The following SNX30 variants were observed in gnomAD, a reference collection of about 807,000 sequenced individuals.
SNX30 encodes sorting nexin family member 30.
SNX30 carries 24 observed loss-of-function variants against 46.4 expected under a neutral mutation model. That is an observed-to-expected ratio of 0.52 (90% CI 0.37 to 0.73). The LOEUF (loss-of-function observed/expected upper bound fraction) is 0.73. SNX30 is among the 30% of genes least tolerant of loss of function. The probability of loss-of-function intolerance (pLI) is 0.00; values close to 1 mark genes in which losing one functional copy is unlikely to be tolerated. For synonymous variants in SNX30, 189 were observed against 211.5 expected (o/e 0.89, Z 0.92); for missense variants, 533 against 555.7 (o/e 0.96, Z 0.41).
intron 1 of SNX30, among the ~76,000 whole-genome samples, chr9:112,792,217 C>A (rs1048606727): frequency 2.0e-5 from 3 of 152,186 alleles, no homozygotes; most frequent in African/African-American, 7.2e-5. Context: ...TGTTCTCTGA[C>A]AACAGTTTTG....
rs1200491694 is a variant in SNX30 at position 112,861,878 on chromosome 9, GC to G, written c.1102-2364del. 6.6e-5 allele frequency among the ~76,000 whole-genome samples: 10 copies of G among 152,118 alleles called. 1 individual carries two copies. The highest frequency in any genetic ancestry group is 1.3e-4 in the Admixed American group (2 of 15,274). ...GAGGCCCGATCTTCCCAGGTTGGCCGCCCCCTCCATCCTCCTCAGCGTGCTT... is the reference window on the plus strand; with the variant it reads ...GAGGCCCGATCTTCCCAGGTTGGCCGCCCCTCCATCCTCCTCAGCGTGCTT... On this transcript the variant is annotated intron_variant, in intron 7 of 8. Coordinates refer to ENST00000374232, the MANE Select transcript of SNX30 (RefSeq NM_001012994.2).
intron 1 of SNX30, among the ~76,000 whole-genome samples, chr9:112,776,481 C>T (rs540794768): frequency 5.9e-5 from 9 of 152,194 alleles, no homozygotes; most frequent in Non-Finnish European, 1.2e-4. Flanking sequence ...GCTGATTAGA[C>T]TTGAGCATGC....
At chr9:112,764,166 C>T (rs985217304) in intron 1 of SNX30, among the ~76,000 whole-genome samples, 1 of 152,148 alleles carries the variant, frequency 6.6e-6, no homozygotes, top group African/African-American at 2.4e-5. Flanking sequence ...TGAAGGAATA[C>T]ATGTCTTACA....
chr9:112,866,404 G>C, intron 8 of SNX30: 1 of 470,128 alleles, frequency 2.1e-6, no homozygotes, highest in South Asian at 1.6e-5. Context: ...CAAAGTCCCT[G>C]GGGCAGGAAA....
At chr9:112,860,854 T>G (rs138735376) in intron 7 of SNX30, among the ~76,000 whole-genome samples, 17 of 152,310 alleles carry the variant, frequency 1.1e-4, no homozygotes, top group African/African-American at 4.1e-4. Context: ...CAGCAAATTA[T>G]AATATTGATA....
At chr9:112,860,534 G>A (rs1841208990) in intron 7 of SNX30, among the ~76,000 whole-genome samples, 1 of 152,114 alleles carries the variant, frequency 6.6e-6, no homozygotes, top group African/African-American at 2.4e-5. Flanking sequence ...TTTCTCATGG[G>A]CAGCCAGTTG....
At chr9:112,773,196 C>T (rs1457789523) in intron 1 of SNX30, among the ~76,000 whole-genome samples, 1 of 152,130 alleles carries the variant, frequency 6.6e-6, no homozygotes, top group African/African-American at 2.4e-5. Flanking sequence ...TAATCACTTA[C>T]TGGCTGGCAA....
At chr9:112,814,561 G>A (rs1840368314) in intron 2 of SNX30, among the ~76,000 whole-genome samples, 1 of 152,102 alleles carries the variant, frequency 6.6e-6, no homozygotes. Context: ...TTTTTAAAAA[G>A]ACCCCTGATA....
chr9:112,792,934 G>T (rs537901578), intron 1 of SNX30, among the ~76,000 whole-genome samples: 1 of 149,950 alleles, frequency 6.7e-6, no homozygotes, highest in East Asian at 2.0e-4. Flanking sequence ...CTGGCCTAAA[G>T]GGTTCTGTTT....
At chr9:112,857,139 A>G (rs1228707737) in intron 7 of SNX30, among the ~76,000 whole-genome samples, 1 of 151,674 alleles carries the variant, frequency 6.6e-6, no homozygotes, top group Non-Finnish European at 1.5e-5. Context: ...CTGGGGCTTC[A>G]CTCTCGTGTC....
At chr9:112,807,189 C>T (rs895909823) in intron 2 of SNX30, among the ~76,000 whole-genome samples, 6 of 151,596 alleles carry the variant, frequency 4.0e-5, no homozygotes, top group African/African-American at 1.5e-4. Context: ...CCTCAGCCTC[C>T]CGAGTAGCTG....
At chr9:112,818,338 A>G (rs573496718) in intron 3 of SNX30, among the ~76,000 whole-genome samples, 4 of 152,032 alleles carry the variant, frequency 2.6e-5, no homozygotes, top group African/African-American at 9.6e-5. Flanking sequence ...CAAGTGGATC[A>G]CCTGCCCCAG....
chr9:112,850,887 A>G lies in SNX30; in HGVS notation c.1043A>G (p.Gln348Arg). ...KSVLKKRDQV[Q>R]AEYEAKLEAV... ...GTATTGAAGAAGAGGGACCAAGTTC[A>G]AGCAGAGTATGAAGCCAAACTGGAA... The change falls in exon 7 of 9, where the codon CAA becomes CGA. Residue 348 changes from glutamine (Q) to arginine (R), a missense_variant. Transcript: ENST00000374232. 6.2e-7 allele frequency: 1 copy of G among 1,613,962 alleles called. No homozygotes were observed. The highest frequency in any genetic ancestry group is 8.5e-7 in the Non-Finnish European group (1 of 1,179,978).
chr9:112,751,787 G>A (rs1397464232), intron 1 of SNX30, among the ~76,000 whole-genome samples: 1 of 152,196 alleles, frequency 6.6e-6, no homozygotes, highest in Non-Finnish European at 1.5e-5. Flanking sequence ...AGGTTTGGCA[G>A]AGGCTGGTTT....
chr9:112,840,669 A>G (rs1840840267), intron 6 of SNX30, among the ~76,000 whole-genome samples: 1 of 152,156 alleles, frequency 6.6e-6, no homozygotes, highest in East Asian at 1.9e-4. Context: ...TATTTTTAGT[A>G]GAGACGGGGT....
At chr9:112,853,998 A>T (rs968004350) in intron 7 of SNX30, among the ~76,000 whole-genome samples, 2 of 152,222 alleles carry the variant, frequency 1.3e-5, no homozygotes, top group Non-Finnish European at 2.9e-5. Context: ...GAAACCGAGG[A>T]TCCTGCATTT....
At chr9:112,827,971 G>C (rs1840603235) in intron 3 of SNX30, among the ~76,000 whole-genome samples, 2 of 152,218 alleles carry the variant, frequency 1.3e-5, no homozygotes, top group African/African-American at 4.8e-5. Flanking sequence ...CAGCAGCATT[G>C]TTAGTAGGGC....
Position 112,869,148 on chromosome 9 carries a change from CG to C in SNX30, c.*306del, listed in dbSNP as rs1279624654. The stretch of plus-strand genomic sequence containing the variant: ...AAGGGACAAGACAACCTGCAGCTGA[CG>C]CTCTGACATTTCATGACAGTTTCCT... On this transcript the variant is annotated 3_prime_UTR_variant, in exon 9 of 9. Transcript: ENST00000374232. 395 of 322,998 alleles carry C rather than the reference CG, an allele frequency of 1.2e-3. 5 individuals carry two copies. The highest frequency in any genetic ancestry group is 7.7e-3 in the African/African-American group (371 of 48,272). 20.0% of individuals were successfully genotyped at this position (322,998 alleles called of 1,614,324 possible). A position where few individuals can be genotyped will look rare whatever the true frequency, so the allele number is the denominator to read the frequency against.
chr9:112,778,871 A>G (rs1257551375), intron 1 of SNX30, among the ~76,000 whole-genome samples: 3 of 122,798 alleles, frequency 2.4e-5, no homozygotes, highest in Non-Finnish European at 5.0e-5. Context: ...AGCTAGGTAC[A>G]GGGGCATGAT....
Sources: gnomAD v4.1 joint callset for allele counts (sites outside exome capture counted in the v4.1 genomes callset) on GRCh38, gnomAD v4.1.1 for gene constraint, MANE v1.5 for transcripts, NCBI Gene and HGNC (gene_info 2026-07-23, HGNC 2026-07-21) for gene names.